MCTP1: variants seen among roughly 807,000 people sequenced by gnomAD.
MCTP1 encodes multiple C2 and transmembrane domain-containing protein 1.
MCTP1 carries 69 observed loss-of-function variants against 120.6 expected under a neutral mutation model. The observed-to-expected ratio is 0.57, with a 90% CI of 0.47 to 0.70. MCTP1 has a LOEUF of 0.70. Ranked by LOEUF, MCTP1 falls within the 30% of genes least tolerant of loss-of-function variation. The pLI is 0.00. For missense variants in MCTP1, 1,203 were observed against 1,248.8 expected, an observed-to-expected ratio of 0.96 and a Z score of 0.55; for synonymous variants, 529 against 493.1, an observed-to-expected ratio of 1.07 and a Z score of -0.96.
chr5:95,065,409 A>G (rs895402248), intron 1 of MCTP1, among the ~76,000 whole-genome samples: 6 of 152,138 alleles, frequency 3.9e-5, no homozygotes, highest in African/African-American at 1.4e-4. Flanking sequence ...AAATGATAAA[A>G]CAGTATGACC....
chr5:94,786,522 A>G (rs1055048899), intron 18 of MCTP1, among the ~76,000 whole-genome samples: 15 of 152,214 alleles, frequency 9.9e-5, no homozygotes, highest in African/African-American at 3.6e-4. Flanking sequence ...GAATTGTAGC[A>G]TAAAAGCCTG....
At chr5:95,201,832 CCAGTTTCACT>C (rs1751095912) in intron 1 of MCTP1, among the ~76,000 whole-genome samples, 1 of 151,938 alleles carries the variant, frequency 6.6e-6, no homozygotes, top group Non-Finnish European at 1.5e-5. Context: ...ACCACCTATC[CCAGTTTCACT>C]CTTCAGAAAC....
intron 18 of MCTP1, among the ~76,000 whole-genome samples, chr5:94,791,112 C>CAAAA (rs60394333): frequency 5.9e-3 from 571 of 97,604 alleles, no homozygotes; most frequent in Middle Eastern, 0.014. Flanking sequence ...GTCTCTACTA[C>CAAAA]AAAAAAAAAA....
intron 17 of MCTP1, among the ~76,000 whole-genome samples, chr5:94,801,963 A>G (rs1461330980): frequency 6.6e-6 from 1 of 152,228 alleles, no homozygotes; most frequent in East Asian, 1.9e-4. Context: ...TTCTTAAAAT[A>G]TAGCACTCAG....
chr5:94,975,308 G>A (rs531265311), intron 2 of MCTP1, among the ~76,000 whole-genome samples: 1 of 152,026 alleles, frequency 6.6e-6, no homozygotes, highest in African/African-American at 2.4e-5. Context: ...AAGACTTCAG[G>A]AGGCGATTAG....
chr5:95,258,268 C>G (rs1455733580), intron 1 of MCTP1, among the ~76,000 whole-genome samples: 1 of 152,144 alleles, frequency 6.6e-6, no homozygotes, highest in Non-Finnish European at 1.5e-5. Context: ...AGTACGTACC[C>G]TCAATGTGAT....
chr5:94,881,754 G>A (rs1308091737), intron 12 of MCTP1, among the ~76,000 whole-genome samples: 11 of 152,162 alleles, frequency 7.2e-5, no homozygotes, highest in Non-Finnish European at 2.9e-5. Flanking sequence ...GCTCAGGTTA[G>A]TGGCTGACAT....
intron 2 of MCTP1, among the ~76,000 whole-genome samples, chr5:94,967,225 A>G (rs1384102474): frequency 6.6e-6 from 1 of 152,206 alleles, no homozygotes; most frequent in Non-Finnish European, 1.5e-5. Flanking sequence ...GGTTGGGTAG[A>G]GATGGTTCCT....
intron 1 of MCTP1, among the ~76,000 whole-genome samples, chr5:95,064,075 C>T (rs918823051): frequency 1.3e-5 from 2 of 152,224 alleles, no homozygotes; most frequent in Admixed American, 6.5e-5. Context: ...CATATCCAAA[C>T]TATAATTCGT....
At position 95,284,208 on chromosome 5, in the gene MCTP1, C is replaced by A; in HGVS notation, c.368G>T (p.Arg123Leu). 2 of 1,566,058 alleles carry A rather than the reference C, an allele frequency of 1.3e-6. No homozygotes were observed. The highest frequency in any genetic ancestry group is 4.7e-5 in the East Asian group (2 of 42,920). ...GRAEQGSTLR[R>L]RIREHLLPAV... ...GGGGAGCAAATGCTCGCGGATCCGG[C>A]GGCGTAGCGTGGACCCCTGCTCGGC... The change falls in exon 1 of 23, where the codon CGC becomes CTC. Residue 123 changes from arginine (R) to leucine (L), a missense_variant. By Grantham distance (102) the Arg-to-Leu change is moderately radical. Around this residue, in one of 2 missense-constraint regions of MCTP1, gnomAD observed 463 missense variants for 377.8 expected, o/e 1.23. Transcript: ENST00000515393. The surrounding 1 kb of genome is among the most constrained non-coding windows in gnomAD (Gnocchi z 5.2).
chr5:95,105,574 G>A (rs558231917), intron 1 of MCTP1, among the ~76,000 whole-genome samples: 5 of 152,124 alleles, frequency 3.3e-5, no homozygotes, highest in African/African-American at 1.2e-4. Flanking sequence ...CTTGGATGCA[G>A]GGAAGAGGAT....
At chr5:94,909,109 A>C in intron 10 of MCTP1, 142 bp downstream of exon 10, 2 of 958,330 alleles carry the variant, frequency 2.1e-6, no homozygotes, top group Non-Finnish European at 3.0e-6. Flanking sequence ...TCTATTTTTC[A>C]GTTCATCCAA....
intron 1 of MCTP1, among the ~76,000 whole-genome samples, chr5:95,198,798 C>A (rs1414389146): frequency 2.0e-5 from 3 of 152,234 alleles, no homozygotes; most frequent in Admixed American, 1.3e-4. Flanking sequence ...AGGAATGAAC[C>A]AACCAATGAA....
At chr5:95,015,287 T>G (rs938215137) in intron 2 of MCTP1, among the ~76,000 whole-genome samples, 2 of 152,140 alleles carry the variant, frequency 1.3e-5, no homozygotes, top group Admixed American at 6.6e-5. Context: ...CTACTTCGGT[T>G]AGTGGTTTTA....
At chr5:95,111,728 G>T (rs960428944) in intron 1 of MCTP1, among the ~76,000 whole-genome samples, 1 of 152,162 alleles carries the variant, frequency 6.6e-6, no homozygotes, top group Non-Finnish European at 1.5e-5. Flanking sequence ...TGACAAGTCA[G>T]TGAAATATAT....
intron 1 of MCTP1, among the ~76,000 whole-genome samples, chr5:95,042,365 A>T (rs1244776940): frequency 1.3e-5 from 2 of 152,188 alleles, no homozygotes; most frequent in African/African-American, 4.8e-5. Flanking sequence ...ACTGAGCAAT[A>T]AACATGCTAC....
At chr5:94,875,143 A>G (rs939087218) in intron 12 of MCTP1, among the ~76,000 whole-genome samples, 5 of 152,162 alleles carry the variant, frequency 3.3e-5, no homozygotes, top group African/African-American at 9.7e-5. Context: ...GATAAATACT[A>G]TGGGAAAAAA....
intron 17 of MCTP1, among the ~76,000 whole-genome samples, chr5:94,843,071 A>T (rs947574185): frequency 6.6e-6 from 1 of 151,874 alleles, no homozygotes; most frequent in Non-Finnish European, 1.5e-5. Flanking sequence ...CTTATATATA[A>T]AAAATTCTAT....
At chr5:95,204,714 T>C (rs1324699190) in intron 1 of MCTP1, among the ~76,000 whole-genome samples, 1 of 152,158 alleles carries the variant, frequency 6.6e-6, no homozygotes, top group Non-Finnish European at 1.5e-5. Context: ...AATTTCTATT[T>C]GTAACCAATA....
Sources: gnomAD v4.1 joint callset for allele counts (sites outside exome capture counted in the v4.1 genomes callset) on GRCh38, gnomAD v4.1.1 for gene constraint, gnomAD v4.1.1 regional missense constraint, Gnocchi (gnomAD v3.1) non-coding constraint, MANE v1.5 for transcripts, NCBI Gene and HGNC (gene_info 2026-07-23, HGNC 2026-07-21) for gene names.